The following NWD1 variants were observed in gnomAD, a reference collection of about 807,000 sequenced individuals.
NWD1 encodes NACHT and WD repeat domain containing 1.
A neutral mutation model predicts 135.1 loss-of-function variants in NWD1; 129 were observed. The observed-to-expected ratio is 0.96, with a 90% CI of 0.83 to 1.11. The LOEUF (loss-of-function observed/expected upper bound fraction) is 1.11, where lower values mean the gene tolerates loss of function less well. Ranked by LOEUF, NWD1 falls within the 50% of genes least tolerant of loss-of-function variation. NWD1 has a pLI of 0.00. For missense variants in NWD1, 1,740 were observed against 1,851.3 expected, an observed-to-expected ratio of 0.94 and a Z score of 1.10; for synonymous variants, 773 against 786.0, an observed-to-expected ratio of 0.98 and a Z score of 0.28.
chr19:16,728,816 C>T (rs556159798), intron 2 of NWD1, among the ~76,000 whole-genome samples: 12 of 151,530 alleles, frequency 7.9e-5, no homozygotes, highest in African/African-American at 2.4e-4. Context: ...TGGTGGCGGG[C>T]GCCTGTAGCC....
intron 18 of NWD1, chr19:16,812,948 C>A: frequency 6.7e-6 from 5 of 740,954 alleles, no homozygotes; most frequent in Non-Finnish European, 1.3e-5. Flanking sequence ...CTCTGGCCAC[C>A]TCTAGCTGCA....
At chr19:16,796,053 C>G (rs1338336057) in intron 15 of NWD1, among the ~76,000 whole-genome samples, 2 of 152,162 alleles carry the variant, frequency 1.3e-5, no homozygotes, top group African/African-American at 4.8e-5. Context: ...TGGGTCATCT[C>G]TCTCAGTGTG....
rs1478318228 is a variant in NWD1 at position 16,817,319 on chromosome 19, CA to C, written c.*2284del. 3 of 149,276 alleles carry C rather than the reference CA, an allele frequency of 2.0e-5. No homozygotes were observed. The highest frequency in any genetic ancestry group is 7.4e-5 in the African/African-American group (3 of 40,544). The allele number at this position is 149,276 out of a possible 1,614,324, so 9.2% of individuals were successfully genotyped here. On this transcript the variant is annotated 3_prime_UTR_variant, in exon 19 of 19. Transcript: ENST00000524140. ...CATCTCATAATAATAATAATAATGG[CA>C]AAAGCCTCGGTGGCTCACGCCTGTA...
intron 14 of NWD1, among the ~76,000 whole-genome samples, chr19:16,792,531 A>C (rs1189900047): frequency 2.0e-5 from 3 of 151,914 alleles, no homozygotes; most frequent in Non-Finnish European, 2.9e-5. Flanking sequence ...GCATACAAAA[A>C]ATTAGCCGGG....
In NWD1 at chr19:16,773,101, C is replaced by G. The variant is rs773835; in HGVS notation, c.2411-25C>G. The G allele has an allele frequency of 3.1e-6, 5 of 1,609,934 alleles. No individual in the cohort carries two copies. The African/African-American group carries it at 4.0e-5, about 13-fold the overall frequency. On this transcript the variant is annotated intron_variant, in intron 10 of 18. Transcript: ENST00000524140. ...GGTAGAGGGGGCTCAATCCAGGCAACTTAGTCTACATCCCTTTGTTGCAGA... is the reference window on the plus strand; with the variant it reads ...GGTAGAGGGGGCTCAATCCAGGCAAGTTAGTCTACATCCCTTTGTTGCAGA...
intron 18 of NWD1, among the ~76,000 whole-genome samples, chr19:16,811,653 A>G (rs1970928795): frequency 6.6e-6 from 1 of 152,134 alleles, no homozygotes; most frequent in Non-Finnish European, 1.5e-5. Context: ...GAGTCCTACA[A>G]TTGTTCCTTT....
In NWD1 at chr19:16,807,745, G is replaced by A. The variant is rs148542774; in HGVS notation, c.3896G>A (p.Arg1299Gln). 12 of 1,613,052 alleles carry A rather than the reference G, an allele frequency of 7.4e-6. No individual in the cohort carries two copies. The highest frequency in any genetic ancestry group is 2.2e-5 in the East Asian group (1 of 44,856). ...DVICIPPPEA[R>Q]KAINCMSLSK... The stretch of plus-strand genomic sequence containing the variant: ...ATATGCATTCCCCCTCCCGAGGCCC[G>A]GAAAGCAATCAACTGCATGTCCCTG... Residue 1299 changes from arginine (R) to glutamine (Q), a missense_variant, in exon 18 of 19, where the codon CGG becomes CAG. Arg to Gln is a conservative substitution (Grantham distance 43). Coordinates refer to ENST00000524140, the MANE Select transcript of NWD1 (RefSeq NM_001007525.5).
intron 17 of NWD1, among the ~76,000 whole-genome samples, chr19:16,807,006 G>A (rs1970765315): frequency 6.6e-6 from 1 of 151,762 alleles, no homozygotes; most frequent in African/African-American, 2.4e-5. Flanking sequence ...AACGAAGCCA[G>A]ACTCTGTCTA....
At chr19:16,720,848 T>C (rs8112399) in intron 1 of NWD1, among the ~76,000 whole-genome samples, 64,351 of 151,404 alleles carry the variant, frequency 0.43, 13,813 homozygotes, top group Middle Eastern at 0.53. Flanking sequence ...CCACCGCACC[T>C]GGCCGAGACT....
chr19:16,730,888 AT>A (rs897971577), intron 2 of NWD1, among the ~76,000 whole-genome samples: 1 of 144,730 alleles, frequency 6.9e-6, no homozygotes, highest in African/African-American at 2.6e-5. Flanking sequence ...GCCTATTGCG[AT>A]TTTTTTTATT....
At chr19:16,773,080 G>C in intron 10 of NWD1, 46 bp from the exon 11 acceptor site, 1 of 1,546,518 alleles carries the variant, frequency 6.5e-7, no homozygotes, top group Non-Finnish European at 8.9e-7. Context: ...AGGGAGGGTA[G>C]AGGGGGCTCA....
intron 11 of NWD1, among the ~76,000 whole-genome samples, chr19:16,774,676 C>A (rs1568370019): frequency 6.6e-6 from 1 of 151,902 alleles, no homozygotes; most frequent in Non-Finnish European, 1.5e-5. Context: ...ATCCACTCAC[C>A]CACCTACACA....
At chr19:16,785,459 C>T (rs995947236) in intron 12 of NWD1, among the ~76,000 whole-genome samples, 27 of 150,690 alleles carry the variant, frequency 1.8e-4, no homozygotes, top group Admixed American at 1.6e-3. Flanking sequence ...TGCAGTGAGC[C>T]GAGATTGCGT....
At chr19:16,738,280 G>A (rs1489231201) in intron 4 of NWD1, 6 of 446,898 alleles carry the variant, frequency 1.3e-5, no homozygotes. Context: ...GTAAAGAAAA[G>A]TACCATGGCC....
intron 14 of NWD1, among the ~76,000 whole-genome samples, chr19:16,792,575 G>C (rs1489095708): frequency 1.3e-5 from 2 of 152,098 alleles, no homozygotes; most frequent in Non-Finnish European, 1.5e-5. Context: ...CCAACTACTT[G>C]GGAGGCTGAG....
chr19:16,799,754 T>A (rs1970537446), intron 16 of NWD1, 132 bp from the exon 17 acceptor site: 4 of 720,706 alleles, frequency 5.6e-6, no homozygotes, highest in Non-Finnish European at 9.2e-6. Context: ...GTGATCCACC[T>A]GCCTCAGCCT....
At chr19:16,813,156 G>A (rs146716518) in intron 18 of NWD1, among the ~76,000 whole-genome samples, 11 of 152,260 alleles carry the variant, frequency 7.2e-5, no homozygotes, top group African/African-American at 2.6e-4. Flanking sequence ...GAGTAGCCAT[G>A]GGGTGGTATG....
intron 2 of NWD1, among the ~76,000 whole-genome samples, chr19:16,730,367 T>G (rs1178435815): frequency 6.6e-6 from 1 of 151,780 alleles, no homozygotes; most frequent in Non-Finnish European, 1.5e-5. Flanking sequence ...AAAATCTATT[T>G]ATGTATTTAT....
rs917921309 is a variant in NWD1 at position 16,731,260 on chromosome 19, G to A, written c.63G>A (p.Arg21=). 5 of 1,532,242 alleles carry A rather than the reference G, an allele frequency of 3.3e-6. No homozygotes were observed. In the African/African-American group the frequency reaches 6.9e-5, roughly 21 times the overall value. The allele number at this position is 1,532,242 out of a possible 1,614,324, so 94.9% of individuals were successfully genotyped here. A position where few individuals can be genotyped will look rare whatever the true frequency, so the allele number is the denominator to read the frequency against. The part of the protein sequence containing the change: ...PTLKCQTFCQ[R]HGLMFEVVDL... ...TGAAGTGCCAGACCTTCTGCCAGAG[G>A]CACGGCTTGATGTTTGAGGTAACTG... Residue 21 remains arginine (R), a synonymous_variant, in exon 3 of 19, where the codon AGG becomes AGA. Coordinates refer to ENST00000524140, the MANE Select transcript of NWD1 (RefSeq NM_001007525.5).
Sources: allele counts gnomAD v4.1 joint callset (sites outside exome capture counted in the v4.1 genomes callset), GRCh38; gene constraint gnomAD v4.1.1; transcripts MANE v1.5; gene names NCBI Gene and HGNC (gene_info 2026-07-23, HGNC 2026-07-21).